The following SSUH2 variants were observed in gnomAD, a reference collection of about 807,000 sequenced individuals.
SSUH2 encodes the protein protein SSUH2 homolog.
Under a neutral mutation model 55.3 loss-of-function variants are expected in SSUH2, and 47 were observed. That is an observed-to-expected ratio of 0.85 (90% CI 0.67 to 1.08). The LOEUF (loss-of-function observed/expected upper bound fraction) is 1.08. SSUH2 is among the 50% of genes least tolerant of loss of function. SSUH2 has a pLI of 0.00. For missense variants in SSUH2, 535 were observed against 490.7 expected, an observed-to-expected ratio of 1.09 and a Z score of -0.85; for synonymous variants, 212 against 191.5, an observed-to-expected ratio of 1.11 and a Z score of -0.89.
chr3:8,672,531 A>G (rs558563677), intron 3 of SSUH2, among the ~76,000 whole-genome samples: 1 of 152,102 alleles, frequency 6.6e-6, no homozygotes, highest in African/African-American at 2.4e-5. Flanking sequence ...ACCCCCTGCC[A>G]TATTGGGAGT....
chr3:8,654,115 G>A (rs941052417), intron 7 of SSUH2, among the ~76,000 whole-genome samples: 1 of 152,198 alleles, frequency 6.6e-6, no homozygotes, highest in African/African-American at 2.4e-5. Flanking sequence ...GTTGGGTTCT[G>A]GTGAGGGCTC....
At chr3:8,625,683 G>T in intron 9 of SSUH2, 36 bp from the exon 10 acceptor site, 2 of 1,450,076 alleles carry the variant, frequency 1.4e-6, no homozygotes, top group Non-Finnish European at 1.9e-6. Flanking sequence ...AAAGCACACA[G>T]TGTGGCAGGT....
At chr3:8,677,883 T>C in intron 2 of SSUH2, among the ~76,000 whole-genome samples, 1 of 150,858 alleles carries the variant, frequency 6.6e-6, no homozygotes. Context: ...TTTACCATAT[T>C]GTGAGTAATA....
At chr3:8,648,116 C>G (rs189450572), upstream of SSUH2, among the ~76,000 whole-genome samples, 22 of 152,260 alleles carry the variant, frequency 1.4e-4, no homozygotes, top group African/African-American at 5.3e-4. Flanking sequence ...AAGGGAGATG[C>G]GTTCACAGAT....
intron 3 of SSUH2, among the ~76,000 whole-genome samples, chr3:8,674,528 G>A (rs149681641): frequency 0.07 from 10,693 of 152,104 alleles, 1,182 homozygotes; most frequent in African/African-American, 0.24. Flanking sequence ...TAACCGCCCC[G>A]GTCACCCCCT....
chr3:8,660,028 C>T (rs1301332446), intron 6 of SSUH2, among the ~76,000 whole-genome samples: 1 of 152,156 alleles, frequency 6.6e-6, no homozygotes, highest in Non-Finnish European at 1.5e-5. Flanking sequence ...CCATCTCATC[C>T]CCATCAGCCA....
At chr3:8,625,433 A>T (rs1471160261) in intron 10 of SSUH2, 109 bp downstream of exon 10, 1 of 681,364 alleles carries the variant, frequency 1.5e-6, no homozygotes, top group East Asian at 2.7e-5. Context: ...CTCCTACACA[A>T]CCTGTCCTTC....
chr3:8,629,791 TCA>T (rs1418447979), intron 6 of SSUH2, 65 bp from the exon 7 acceptor site: 6 of 1,505,940 alleles, frequency 4.0e-6, no homozygotes, highest in Non-Finnish European at 5.5e-6. Flanking sequence ...ACCCATAACA[TCA>T]CCATCTAAAC....
At chr3:8,663,258 T>G (rs1274863541) in intron 6 of SSUH2, among the ~76,000 whole-genome samples, 1 of 152,180 alleles carries the variant, frequency 6.6e-6, no homozygotes, top group African/African-American at 2.4e-5. Context: ...AACCAACATC[T>G]CAGATGTCTG....
At chr3:8,657,034 T>C (rs568879554) in intron 7 of SSUH2, among the ~76,000 whole-genome samples, 1 of 152,146 alleles carries the variant, frequency 6.6e-6, no homozygotes, top group East Asian at 1.9e-4. Context: ...GCATGCACCA[T>C]CACACCCGGC....
At position 8,629,695 on chromosome 3, in the gene SSUH2, T is replaced by C. The variant is rs1441771126; in HGVS notation, c.557A>G (p.Tyr186Cys). 1.4e-6 allele frequency: 2 copies of C among 1,450,630 alleles called. No homozygotes were observed. The highest frequency in any genetic ancestry group is 1.2e-5 in the South Asian group (1 of 82,650). 89.9% of individuals were successfully genotyped at this position (1,450,630 alleles called of 1,614,324 possible). The change falls in exon 7 of 12, where the codon TAC becomes TGC. Residue 186 changes from tyrosine to cysteine, a missense_variant. Physicochemically the swap from Tyr to Cys is radical, Grantham distance 194. Coordinates refer to ENST00000544814, the MANE Select transcript of SSUH2 (RefSeq NM_001256748.3). Reference protein sequence around the residue: ...ECHKCHGRGRYKCSGCHGAGT... With the variant: ...ECHKCHGRGRCKCSGCHGAGT... ...CGCCCCGTGGCAGCCGCTGCACTTG[T>C]ACCGCCCACGCCCATGGCATTTGTG...
At chr3:8,654,040 A>T (rs1304323327) in intron 7 of SSUH2, among the ~76,000 whole-genome samples, 2 of 152,224 alleles carry the variant, frequency 1.3e-5, no homozygotes, top group African/African-American at 4.8e-5. Flanking sequence ...TGGTGGCTTA[A>T]ATGACAGAAA....
intron 7 of SSUH2, among the ~76,000 whole-genome samples, chr3:8,628,895 G>A (rs1277589211): frequency 1.3e-5 from 2 of 152,194 alleles, no homozygotes; most frequent in African/African-American, 2.4e-5. Flanking sequence ...TTGCTCTGTC[G>A]CCCAGGCGGG....
intron 11 of SSUH2, among the ~76,000 whole-genome samples, chr3:8,621,907 G>A (rs541705019): frequency 2.6e-5 from 4 of 152,236 alleles, no homozygotes; most frequent in Admixed American, 2.0e-4. Context: ...CCAATGGAGA[G>A]CATGGCAATA....
chr3:8,633,812 A>C lies in SSUH2; in HGVS notation c.210-17T>G. On this transcript the variant is annotated splice_polypyrimidine_tract_variant and intron_variant, in intron 3 of 11. Coordinates refer to ENST00000544814, the MANE Select transcript of SSUH2 (RefSeq NM_001256748.3). ...GCAGGGACTCTGCAGGGGACCGAACAGAGAGGCGGGGGCTTCTGGGAAGGG... is the reference window on the plus strand; with the variant it reads ...GCAGGGACTCTGCAGGGGACCGAACCGAGAGGCGGGGGCTTCTGGGAAGGG... 6.2e-7 allele frequency: 1 copy of C among 1,613,740 alleles called. No individual in the cohort carries two copies. The highest frequency in any genetic ancestry group is 8.5e-7 in the Non-Finnish European group (1 of 1,179,986).
intron 3 of SSUH2, among the ~76,000 whole-genome samples, chr3:8,673,730 T>C (rs115604888): frequency 0.018 from 2,668 of 152,024 alleles, 80 homozygotes; most frequent in African/African-American, 0.061. Flanking sequence ...CCCAAGAGTA[T>C]GGAAGGACTC....
At chr3:8,678,239 A>T (rs1363182860) in intron 2 of SSUH2, among the ~76,000 whole-genome samples, 1 of 152,070 alleles carries the variant, frequency 6.6e-6, no homozygotes, top group East Asian at 1.9e-4. Flanking sequence ...ACCGGGGTGT[A>T]TACTTACGGT....
At chr3:8,668,922 T>G (rs1704248941) in intron 5 of SSUH2, among the ~76,000 whole-genome samples, 1 of 146,786 alleles carries the variant, frequency 6.8e-6, no homozygotes, top group Non-Finnish European at 1.5e-5. Context: ...CAAAAAGAAT[T>G]GTGCATACAG....
intron 9 of SSUH2, 146 bp from the exon 10 acceptor site, chr3:8,625,793 T>C: frequency 1.6e-6 from 1 of 606,108 alleles, no homozygotes. Context: ...TGAGCCTCAG[T>C]CTCCTCACCT....
Sources: gnomAD v4.1 joint callset for allele counts (sites outside exome capture counted in the v4.1 genomes callset) on GRCh38, gnomAD v4.1.1 for gene constraint, MANE v1.5 for transcripts, NCBI Gene and HGNC (gene_info 2026-07-23, HGNC 2026-07-21) for gene names.